Variants in KBTBD3 observed in about 807,000 individuals in gnomAD.
KBTBD3 encodes kelch repeat and BTB domain containing 3.
A neutral mutation model predicts 49.6 loss-of-function variants in KBTBD3; 38 were observed. That is an observed-to-expected ratio of 0.77 (90% CI 0.59 to 1.00). KBTBD3 has a LOEUF of 1.00. KBTBD3 is among the 50% of genes least tolerant of loss of function. The pLI, the probability that KBTBD3 is intolerant of heterozygous loss-of-function variation, is 0.00. For missense variants in KBTBD3, 661 were observed against 712.0 expected, an observed-to-expected ratio of 0.93 and a Z score of 0.81; for synonymous variants, 214 against 250.4, an observed-to-expected ratio of 0.85 and a Z score of 1.37.
intron 3 of KBTBD3, chr11:106,058,028 T>A (rs991190488): frequency 2.5e-6 from 1 of 398,320 alleles, no homozygotes; most frequent in Admixed American, 4.4e-5. Flanking sequence ...CCAGAGAACT[T>A]TGGGAAATGC....
At position 106,070,338 on chromosome 11, in the gene KBTBD3, AT is replaced by A. The variant is rs1860894624; in HGVS notation, c.-13+6168del. 2.8e-5 allele frequency among the ~76,000 whole-genome samples: 4 copies of A among 143,928 alleles called. No individual in the cohort carries two copies. In the South Asian group the frequency reaches 8.5e-4, roughly 31 times the overall value. The allele number at this position is 143,928 out of a possible 152,430, so 94.4% of individuals were successfully genotyped here. On this transcript the variant is annotated intron_variant, in intron 2 of 3. Transcript: ENST00000531837. Reference sequence around the variant, plus strand: ...ACAAGCTATGAGCCAGGAAAAAAATATTTGCAAACTGAATCTAATAAAGAAA... The same window carrying A: ...ACAAGCTATGAGCCAGGAAAAAAATATTGCAAACTGAATCTAATAAAGAAA...
intron 2 of KBTBD3, among the ~76,000 whole-genome samples, chr11:106,073,931 C>T (rs1490242951): frequency 6.6e-6 from 1 of 152,070 alleles, no homozygotes; most frequent in Non-Finnish European, 1.5e-5. Flanking sequence ...GCTAATATGT[C>T]AAGAATGAAT....
At position 106,052,859 on chromosome 11, in the gene KBTBD3, T is replaced by C. The variant is rs769082350; in HGVS notation, c.1830A>G (p.Leu610=). 2 of 1,609,680 alleles carry C rather than the reference T, an allele frequency of 1.2e-6. No homozygotes were observed. The highest frequency in any genetic ancestry group is 2.2e-5 in the East Asian group (1 of 44,832). The change falls in exon 4 of 4, where the codon CTA becomes CTG. Residue 610 remains leucine (L), a synonymous_variant. Coordinates refer to ENST00000531837, the MANE Select transcript of KBTBD3 (RefSeq NM_198439.3). The part of the protein sequence containing the change: ...NKYRDPWFSN[L]CA ...ACTCGTTTTAGAATGTTCAAGCACA[T>C]AGATTAGAAAACCATGGGTCTCTGT...
rs1053063459 is a variant in KBTBD3 at position 106,077,059 on chromosome 11, G to A, written c.-214+253C>T. 5.9e-5 allele frequency among the ~76,000 whole-genome samples: 9 copies of A among 152,282 alleles called. No individual in the cohort carries two copies. The East Asian group carries it at 1.7e-3, about 29-fold the overall frequency. On this transcript the variant is annotated intron_variant, in intron 1 of 3. Coordinates refer to ENST00000531837, the MANE Select transcript of KBTBD3 (RefSeq NM_198439.3). ...TAGGCTGCTGCTAAGGGTCGGGAGC[G>A]TACTGTGTGAGGGTGGGTCTTAGGC...
intron 3 of KBTBD3, chr11:106,058,193 G>A: frequency 3.1e-6 from 1 of 323,744 alleles, no homozygotes; most frequent in African/African-American, 2.2e-5. Context: ...GACCATCCTG[G>A]CTAACACGGT....
At chr11:106,077,200 A>G (rs1048666096) in intron 1 of KBTBD3, 112 bp downstream of exon 1, 3 of 161,228 alleles carry the variant, frequency 1.9e-5, no homozygotes, top group Non-Finnish European at 4.1e-5. Context: ...CCCGTACACG[A>G]AGCAGCTGAA....
rs1860425572 is a variant in KBTBD3 at position 106,051,858 on chromosome 11, T to C, written c.*992A>G. On this transcript the variant is annotated 3_prime_UTR_variant, in exon 4 of 4. Coordinates refer to ENST00000531837, the MANE Select transcript of KBTBD3 (RefSeq NM_198439.3). ...AGTAAACCAACATAGTGCTTTATAG[T>C]TGGTATACATCATCACAGAAAATTG... The C allele has an allele frequency of 6.6e-6, 1 of 151,832 alleles. No homozygotes were observed. Among genetic ancestry groups the C allele is most frequent in the Admixed American group, 6.6e-5 (1 of 15,206 alleles). 9.4% of individuals were successfully genotyped at this position (151,832 alleles called of 1,614,324 possible).
At position 106,068,439 on chromosome 11, in the gene KBTBD3, T is replaced by C. The variant is rs73537632; in HGVS notation, c.-13+8068A>G. On this transcript the variant is annotated intron_variant, in intron 2 of 3. Coordinates refer to ENST00000531837, the MANE Select transcript of KBTBD3 (RefSeq NM_198439.3). Reference sequence around the variant, plus strand: ...TTCAAGTGTAATTTAAAACATACATTGAACTGAAGAAAATCTAAAATACAA... The same window carrying C: ...TTCAAGTGTAATTTAAAACATACATCGAACTGAAGAAAATCTAAAATACAA... Among the ~76,000 whole-genome samples the C allele has an allele frequency of 3.3e-3, 503 of 152,256 alleles. 2 individuals are homozygous for C. The highest frequency in any genetic ancestry group is 0.011 in the African/African-American group (477 of 41,568).
At chr11:106,060,385 T>C (rs552856885) in intron 2 of KBTBD3, among the ~76,000 whole-genome samples, 1 of 152,212 alleles carries the variant, frequency 6.6e-6, no homozygotes, top group Non-Finnish European at 1.5e-5. Flanking sequence ...CATTGTTTTA[T>C]ATTTTTGCAA....
chr11:106,065,778 C>T (rs113509986), intron 2 of KBTBD3, among the ~76,000 whole-genome samples: 1,650 of 151,868 alleles, frequency 0.011, 31 homozygotes, highest in African/African-American at 0.038. Flanking sequence ...CTGGCCAACA[C>T]GGTAAAACCC....
intron 2 of KBTBD3, among the ~76,000 whole-genome samples, chr11:106,073,983 T>C (rs1860974820): frequency 6.6e-6 from 1 of 152,192 alleles, no homozygotes; most frequent in Non-Finnish European, 1.5e-5. Flanking sequence ...CATTCATTTA[T>C]TCAACAAATA....
intron 3 of KBTBD3, among the ~76,000 whole-genome samples, chr11:106,055,350 C>G: frequency 6.6e-6 from 1 of 152,132 alleles, no homozygotes; most frequent in East Asian, 1.9e-4. Context: ...TCCAGGATGT[C>G]TTTCTGAGCA....
intron 2 of KBTBD3, among the ~76,000 whole-genome samples, chr11:106,066,488 A>G (rs1291345288): frequency 6.6e-6 from 1 of 152,212 alleles, no homozygotes; most frequent in Non-Finnish European, 1.5e-5. Context: ...CTAAATGTCC[A>G]TGTTATTTCC....
intron 2 of KBTBD3, among the ~76,000 whole-genome samples, chr11:106,063,246 T>C (rs1272871318): frequency 6.6e-6 from 1 of 152,234 alleles, no homozygotes; most frequent in Non-Finnish European, 1.5e-5. Context: ...AATAGGGAAC[T>C]TCCATCAGAC....
chr11:106,058,646 A>T, intron 3 of KBTBD3: 1 of 473,238 alleles, frequency 2.1e-6, no homozygotes, highest in Non-Finnish European at 3.6e-6. Flanking sequence ...CTGGTCTTGA[A>T]GTCCTGACCT....
chr11:106,067,801 G>A (rs1217334407), intron 2 of KBTBD3, among the ~76,000 whole-genome samples: 1 of 151,948 alleles, frequency 6.6e-6, no homozygotes, highest in Non-Finnish European at 1.5e-5. Context: ...TGCACTAAAT[G>A]TAAGTGGTCT....
At chr11:106,068,290 A>G (rs1329668581) in intron 2 of KBTBD3, among the ~76,000 whole-genome samples, 1 of 152,224 alleles carries the variant, frequency 6.6e-6, no homozygotes, top group African/African-American at 2.4e-5. Context: ...ACAGCAGACT[A>G]CATATTCTTT....
chr11:106,054,355 T>G lies in KBTBD3; in HGVS notation c.334A>C (p.Thr112Pro). ...TCATCTGTTATTTTTGTTTTTCCAG[T>G]ATAGGCATAATCGAGAAATGCTTTT... is the stretch of plus-strand genomic sequence containing the variant. Reference protein sequence around the residue: ...AVKAFLDYAYTGKTKITDDNV... With the variant: ...AVKAFLDYAYPGKTKITDDNV... The change falls in exon 4 of 4, where the codon ACT becomes CCT. Residue 112 changes from threonine (T) to proline (P), a missense_variant. By Grantham distance (38) the Thr-to-Pro change is conservative. Coordinates refer to ENST00000531837, the MANE Select transcript of KBTBD3 (RefSeq NM_198439.3). 3.1e-6 allele frequency: 5 copies of G among 1,612,940 alleles called. No individual in the cohort carries two copies. The highest frequency in any genetic ancestry group is 4.2e-6 in the Non-Finnish European group (5 of 1,179,370).
In KBTBD3 at chr11:106,052,325, A is replaced by G. The variant is rs1860434591; in HGVS notation, c.*525T>C. 1 of 151,996 alleles carries G rather than the reference A, an allele frequency of 6.6e-6. No individual in the cohort carries two copies. The highest frequency in any genetic ancestry group is 6.6e-5 in the Admixed American group (1 of 15,224). The allele number at this position is 151,996 out of a possible 1,614,324, so 9.4% of individuals were successfully genotyped here. On this transcript the variant is annotated 3_prime_UTR_variant, in exon 4 of 4. Coordinates refer to ENST00000531837, the MANE Select transcript of KBTBD3 (RefSeq NM_198439.3). ...AAAATGAGTCATTAAAAAAAGTTAAACTATGTTTAGTGTACTATTTATAAA... is the reference window on the plus strand; with the variant it reads ...AAAATGAGTCATTAAAAAAAGTTAAGCTATGTTTAGTGTACTATTTATAAA...
Sources: allele counts gnomAD v4.1 joint callset (sites outside exome capture counted in the v4.1 genomes callset), GRCh38; gene constraint gnomAD v4.1.1; transcripts MANE v1.5; gene names NCBI Gene and HGNC (gene_info 2026-07-23, HGNC 2026-07-21).